The following RASEF variants were observed in gnomAD, a reference collection of about 807,000 sequenced individuals.
RASEF encodes RAS and EF-hand domain containing.
A neutral mutation model predicts 90.1 loss-of-function variants in RASEF; 68 were observed. The observed-to-expected ratio is 0.75, with a 90% confidence interval of 0.62 to 0.92. The LOEUF (loss-of-function observed/expected upper bound fraction) is 0.92, where lower values mean the gene tolerates loss of function less well. RASEF is among the 40% of genes least tolerant of loss of function. The probability of loss-of-function intolerance (pLI) is 0.00; values close to 1 mark genes in which losing one functional copy is unlikely to be tolerated. For missense variants in RASEF, 949 were observed against 937.2 expected (o/e 1.01, Z -0.16); for synonymous variants, 331 against 345.2 (o/e 0.96, Z 0.46).
At chr9:83,022,076 C>T (rs966520824) in intron 3 of RASEF, among the ~76,000 whole-genome samples, 1 of 152,122 alleles carries the variant, frequency 6.6e-6, no homozygotes, top group African/African-American at 2.4e-5. Flanking sequence ...GCAGCCTCCT[C>T]CCCCAGTCAC....
At chr9:83,031,133 T>A (rs1463093389) in intron 1 of RASEF, among the ~76,000 whole-genome samples, 2 of 151,148 alleles carry the variant, frequency 1.3e-5, no homozygotes, top group Non-Finnish European at 3.0e-5. Context: ...GACTTGTTCT[T>A]TGTTACAAAG....
At chr9:82,990,533 T>C (rs950399996) in intron 15 of RASEF, 66 bp from the exon 16 acceptor site, 2 of 1,113,962 alleles carry the variant, frequency 1.8e-6, no homozygotes, top group Non-Finnish European at 2.7e-6. Flanking sequence ...TTTTAGCTTT[T>C]AAAATCAGTA....
the RASEF span, among the ~76,000 whole-genome samples, chr9:83,214,672 A>G: frequency 9.3e-4 from 142 of 152,222 alleles, 1 homozygote; most frequent in Non-Finnish European, 3.7e-4. Context: ...CTGATAGTGA[A>G]TAAGTCTCAA....
Position 83,012,526 on chromosome 9 carries a change from A to G in RASEF, c.766-15T>C. 2 of 1,533,654 alleles carry G rather than the reference A, an allele frequency of 1.3e-6. No individual in the cohort carries two copies. The highest frequency in any genetic ancestry group is 1.8e-6 in the Non-Finnish European group (2 of 1,122,692). ...TGTTCTTCGAGCTGAAAGACCAAAT[A>G]AAAGTTGTGTGCTTACAAACTCACT... On this transcript the variant is annotated splice_polypyrimidine_tract_variant and intron_variant, in intron 4 of 16. Transcript: ENST00000376447.
chr9:83,206,310 T>C, the RASEF span, among the ~76,000 whole-genome samples: 1 of 152,178 alleles, frequency 6.6e-6, no homozygotes, highest in African/African-American at 2.4e-5. Flanking sequence ...AATCTTTGTT[T>C]TTAATCTACA....
the RASEF span, among the ~76,000 whole-genome samples, chr9:83,207,138 C>T: frequency 0.051 from 7,817 of 151,930 alleles, 644 homozygotes; most frequent in African/African-American, 0.18. Flanking sequence ...CTCTGGTTTA[C>T]GGGACGGGTC....
At chr9:83,004,411 A>ACTATT in intron 9 of RASEF, 87 bp downstream of exon 9, 4 of 746,422 alleles carry the variant, frequency 5.4e-6, no homozygotes, top group Non-Finnish European at 9.1e-6. Flanking sequence ...AGTATATTCT[A>ACTATT]TTATTTTAAT....
the RASEF span, among the ~76,000 whole-genome samples, chr9:83,075,867 G>A: frequency 6.6e-6 from 1 of 151,912 alleles, no homozygotes; most frequent in Non-Finnish European, 1.5e-5. Context: ...GTCAGAAAGA[G>A]ATCTAAAAAA....
chr9:83,200,426 CACAA>C, the RASEF span, among the ~76,000 whole-genome samples: 7 of 152,092 alleles, frequency 4.6e-5, no homozygotes, highest in East Asian at 9.6e-4. Flanking sequence ...TAAAAAGATG[CACAA>C]ACAAATACAA....
At chr9:83,112,285 T>C in the RASEF span, among the ~76,000 whole-genome samples, 5 of 152,202 alleles carry the variant, frequency 3.3e-5, no homozygotes. Flanking sequence ...CCTCTAAGAC[T>C]CTATCTTAAG....
Position 82,992,971 on chromosome 9 carries a change from G to A in RASEF, c.1975C>T (p.Arg659Cys), listed in dbSNP as rs748830061. Residue 659 changes from arginine (R) to cysteine (C), a missense_variant, in exon 15 of 17, where the codon CGT becomes TGT. By Grantham distance (180) the Arg-to-Cys change is radical. Transcript: ENST00000376447. The stretch of plus-strand genomic sequence containing the variant: ...TGTCCCTCTGTAGCAGCAGTGTCAC[G>A]AATGTCAGCCTTGTTTCCTACCAGC... ...IMLVGNKADIRDTAATEGQKC... is the reference protein window; with the variant it reads ...IMLVGNKADICDTAATEGQKC... 28 of 1,613,612 alleles carry A rather than the reference G, an allele frequency of 1.7e-5. No individual in the cohort carries two copies. The highest frequency in any genetic ancestry group is 1.7e-4 in the Admixed American group (10 of 59,970).
At chr9:83,164,576 C>T in the RASEF span, among the ~76,000 whole-genome samples, 2 of 146,120 alleles carry the variant, frequency 1.4e-5, no homozygotes, top group African/African-American at 2.5e-5. Context: ...AATTGGTTTA[C>T]TAAGACAGGA....
chr9:83,057,848 T>TAC (rs1024581025), intron 1 of RASEF, among the ~76,000 whole-genome samples: 4 of 23,270 alleles, frequency 1.7e-4, no homozygotes, highest in Non-Finnish European at 3.1e-4. Flanking sequence ...CATATATACA[T>TAC]ATATATATAT....
Position 82,982,499 on chromosome 9 carries a change from A to C in RASEF, c.*178T>G. The C allele has an allele frequency of 1.9e-6, 1 of 540,132 alleles. No homozygotes were observed. Among genetic ancestry groups the C allele is most frequent in the Non-Finnish European group, 3.4e-6 (1 of 297,514 alleles). 33.5% of individuals were successfully genotyped at this position (540,132 alleles called of 1,614,324 possible). On this transcript the variant is annotated 3_prime_UTR_variant, in exon 17 of 17. Coordinates refer to ENST00000376447, the MANE Select transcript of RASEF (RefSeq NM_152573.4). ...CAGAGGGCCCAAATCACTCACTGAGACAAAACAAAGAAGAGCCAAAGTTCC... is the reference window on the plus strand; with the variant it reads ...CAGAGGGCCCAAATCACTCACTGAGCCAAAACAAAGAAGAGCCAAAGTTCC...
At chr9:83,017,763 A>G (rs753476832) in intron 3 of RASEF, among the ~76,000 whole-genome samples, 33 of 152,204 alleles carry the variant, frequency 2.2e-4, no homozygotes, top group Admixed American at 6.5e-4. Context: ...GTACAAACCA[A>G]TATCTCTTCC....
intron 8 of RASEF, 36 bp downstream of exon 8, chr9:83,005,380 A>G (rs1388844179): frequency 6.9e-7 from 1 of 1,459,768 alleles, no homozygotes; most frequent in Middle Eastern, 1.7e-4. Flanking sequence ...CCACCACTAG[A>G]AAGAATGAAA....
chr9:83,114,120 G>C, the RASEF span, among the ~76,000 whole-genome samples: 1 of 152,194 alleles, frequency 6.6e-6, no homozygotes, highest in Non-Finnish European at 1.5e-5. Context: ...GGAGGGACCA[G>C]CTGAAGCCAT....
intron 10 of RASEF, 82 bp downstream of exon 10, chr9:83,000,814 T>C (rs1829021521): frequency 8.1e-7 from 1 of 1,233,790 alleles, no homozygotes; most frequent in Non-Finnish European, 1.2e-6. Flanking sequence ...AAAACAGATT[T>C]CCATGACAGA....
At chr9:83,158,926 C>A in the RASEF span, among the ~76,000 whole-genome samples, 4 of 151,672 alleles carry the variant, frequency 2.6e-5, no homozygotes, top group African/African-American at 9.7e-5. Context: ...GTGGCTCACG[C>A]CTGTAATCCC....
Sources: allele counts gnomAD v4.1 joint callset (sites outside exome capture counted in the v4.1 genomes callset), GRCh38; gene constraint gnomAD v4.1.1; transcripts MANE v1.5; gene names NCBI Gene and HGNC (gene_info 2026-07-23, HGNC 2026-07-21).